Variants in ATP6V1E2 observed in about 807,000 individuals in gnomAD.
ATP6V1E2 encodes the protein V-type proton ATPase subunit E 2.
For synonymous variants in ATP6V1E2, 121 were observed against 104.2 expected (o/e 1.16, Z -0.98); for missense variants, 308 against 273.3 (o/e 1.13, Z -0.90).
chr2:46,524,611 C>G (rs7583800), intron 4 of ATP6V1E2, among the ~76,000 whole-genome samples: 129,530 of 152,192 alleles, frequency 0.85, 55,247 homozygotes, highest in African/African-American at 0.9. Context: ...CACAGCCAGA[C>G]TGACTGCACA....
At chr2:46,523,138 CT>C in intron 4 of ATP6V1E2, among the ~76,000 whole-genome samples, 1 of 151,746 alleles carries the variant, frequency 6.6e-6, no homozygotes, top group Non-Finnish European at 1.5e-5. Context: ...GATATTAGAC[CT>C]TTGTCAGGTG....
At chr2:46,519,899 G>A (rs1335074228) in intron 4 of ATP6V1E2, 2 of 152,160 alleles carry the variant, frequency 1.3e-5, no homozygotes, top group African/African-American at 2.4e-5. Context: ...ACATATTCTA[G>A]TCTTGCCTGT....
intron 4 of ATP6V1E2, among the ~76,000 whole-genome samples, chr2:46,528,798 T>C (rs1667048927): frequency 6.6e-6 from 1 of 152,260 alleles, no homozygotes; most frequent in East Asian, 1.9e-4. Flanking sequence ...AAGAGTTCTG[T>C]TGTCCTCACA....
intron 4 of ATP6V1E2, among the ~76,000 whole-genome samples, chr2:46,532,306 C>T (rs1415455814): frequency 6.6e-6 from 1 of 150,408 alleles, no homozygotes; most frequent in Non-Finnish European, 1.5e-5. Flanking sequence ...TCTTGGCACC[C>T]TCCTGACTTC....
At chr2:46,533,848 G>T (rs1667309846) in intron 4 of ATP6V1E2, among the ~76,000 whole-genome samples, 1 of 152,150 alleles carries the variant, frequency 6.6e-6, no homozygotes, top group Admixed American at 6.5e-5. Flanking sequence ...ATTCTAGATT[G>T]ACAGTGCTTT....
Position 46,512,234 on chromosome 2 carries a change from G to A in ATP6V1E2, c.478C>T (p.Gln160Ter), listed in dbSNP as rs750613005. 3 of 1,613,994 alleles carry A rather than the reference G, an allele frequency of 1.9e-6. No individual in the cohort carries two copies. In the Admixed American group the frequency reaches 5.0e-5, roughly 27 times the overall value. ...KAIPEYMTIS[Q>*]KHVEVQIDKE... ...TCAATCTGGACCTCCACATGTTTCT[G>A]GGAAATTGTCATGTACTCGGGGATG... Residue 160 changes from glutamine to a stop codon, truncating the protein, a stop_gained, in exon 5 of 5, where the codon CAG becomes TAG. Coordinates refer to ENST00000522587, the MANE Select transcript of ATP6V1E2 (RefSeq NM_001318063.2). LOFTEE classifies it low-confidence loss of function (END_TRUNC).
chr2:46,529,688 T>C lies in ATP6V1E2; in HGVS notation c.-102+6125A>G, dbSNP rs938533524. 7.9e-5 allele frequency among the ~76,000 whole-genome samples: 12 copies of C among 152,262 alleles called. No homozygotes were observed. In the South Asian group the frequency reaches 1.7e-3, roughly 21 times the overall value. ...GGAGGATCACTAGAGCCCAGGCATTTGAGGCTGCAGTGAGCCGTGATTGTG... is the reference window on the plus strand; with the variant it reads ...GGAGGATCACTAGAGCCCAGGCATTCGAGGCTGCAGTGAGCCGTGATTGTG... On this transcript the variant is annotated intron_variant, in intron 4 of 4. Transcript: ENST00000522587.
chr2:46,537,758 T>G (rs1164735506), intron 2 of ATP6V1E2, among the ~76,000 whole-genome samples: 1 of 152,210 alleles, frequency 6.6e-6, no homozygotes, highest in Non-Finnish European at 1.5e-5. Context: ...AAATGATCCC[T>G]TGGAGTCCAT....
At chr2:46,525,365 G>A (rs1166724746) in intron 4 of ATP6V1E2, among the ~76,000 whole-genome samples, 1 of 151,644 alleles carries the variant, frequency 6.6e-6, no homozygotes, top group Non-Finnish European at 1.5e-5. Context: ...GGGAGGCTGA[G>A]GCAGGAGAAT....
chr2:46,524,629 C>T (rs1277312501), intron 4 of ATP6V1E2, among the ~76,000 whole-genome samples: 1 of 152,032 alleles, frequency 6.6e-6, no homozygotes, highest in African/African-American at 2.4e-5. Context: ...ACACTTCAGC[C>T]GAGGTAGCAG....
Position 46,527,117 on chromosome 2 carries a change from T to G in ATP6V1E2, c.-102+8696A>C, listed in dbSNP as rs532783459. ...TTGCCCAGGTTGGAGTGTAGTGGCA[T>G]GATCATAGCTCACTGCAGCCTCAAA... On this transcript the variant is annotated intron_variant, in intron 4 of 4. Coordinates refer to ENST00000522587, the MANE Select transcript of ATP6V1E2 (RefSeq NM_001318063.2). Among the ~76,000 whole-genome samples, 3 of 152,306 alleles carry G rather than the reference T, an allele frequency of 2.0e-5. No individual in the cohort carries two copies. The South Asian group carries it at 6.2e-4, about 32-fold the overall frequency.
At chr2:46,540,253 T>C (rs1249837660) in intron 2 of ATP6V1E2, among the ~76,000 whole-genome samples, 2 of 151,664 alleles carry the variant, frequency 1.3e-5, no homozygotes, top group African/African-American at 4.8e-5. Flanking sequence ...GAAACCCCGC[T>C]CTGCAAAAAA....
chr2:46,521,463 T>A (rs1026185688), intron 4 of ATP6V1E2, among the ~76,000 whole-genome samples: 1 of 152,126 alleles, frequency 6.6e-6, no homozygotes. Context: ...GGGTGTGTGC[T>A]TCCTACCCCT....
At chr2:46,525,131 T>G (rs892009087) in intron 4 of ATP6V1E2, among the ~76,000 whole-genome samples, 4 of 152,164 alleles carry the variant, frequency 2.6e-5, no homozygotes, top group African/African-American at 9.7e-5. Flanking sequence ...GGACTCAGCC[T>G]CTGGCTACAC....
intron 4 of ATP6V1E2, among the ~76,000 whole-genome samples, chr2:46,527,002 A>G (rs907683040): frequency 6.6e-6 from 1 of 152,174 alleles, no homozygotes; most frequent in Non-Finnish European, 1.5e-5. Context: ...AGCAATGCAC[A>G]TGGGTTCCAG....
intron 4 of ATP6V1E2, chr2:46,528,075 G>C (rs1667011069): frequency 6.6e-6 from 1 of 152,122 alleles, no homozygotes; most frequent in Non-Finnish European, 1.5e-5. Flanking sequence ...AAACCAAATA[G>C]AATCAAAAAT....
rs1344266236 is a variant in ATP6V1E2 at position 46,542,466 on chromosome 2, C to G, written c.-623G>C. The G allele has an allele frequency of 1.3e-5, 2 of 150,994 alleles. No homozygotes were observed. Among genetic ancestry groups the G allele is most frequent in the Non-Finnish European group, 2.9e-5 (2 of 67,806 alleles). 9.4% of individuals were successfully genotyped at this position (150,994 alleles called of 1,614,324 possible). A position where few individuals can be genotyped will look rare whatever the true frequency, so the allele number is the denominator to read the frequency against. ...CGGCTCCCCAGGCGACTCCCCTCCT[C>G]CCCTCCGCGGTCCTCGGCTCCTCCT... On this transcript the variant is annotated 5_prime_UTR_variant, in exon 1 of 5. Transcript: ENST00000522587.
chr2:46,519,691 A>T (rs1195250473), intron 4 of ATP6V1E2: 1 of 152,220 alleles, frequency 6.6e-6, no homozygotes, highest in African/African-American at 2.4e-5. Context: ...TATTGTAAGG[A>T]TTAAATGAAA....
In ATP6V1E2 at chr2:46,540,365, G is replaced by A. The variant is rs148926199; in HGVS notation, c.-310+1025C>T. ...GAACCAGGGAGGCAGAGGTTGCAGT[G>A]AGCCAAGATCATGCCTTTGCACTCC... On this transcript the variant is annotated intron_variant, in intron 2 of 4. Coordinates refer to ENST00000522587, the MANE Select transcript of ATP6V1E2 (RefSeq NM_001318063.2). 7.4e-3 allele frequency among the ~76,000 whole-genome samples: 1,099 copies of A among 149,088 alleles called. 5 individuals are homozygous for A. Among genetic ancestry groups the A allele is most frequent in the Non-Finnish European group, 0.011 (774 of 67,672 alleles).
Sources: allele counts gnomAD v4.1 joint callset (sites outside exome capture counted in the v4.1 genomes callset), GRCh38; gene constraint gnomAD v4.1.1; transcripts MANE v1.5; gene names NCBI Gene and HGNC (gene_info 2026-07-23, HGNC 2026-07-21).